NCAM2: variants seen among roughly 807,000 people sequenced by gnomAD.
NCAM2 encodes N-CAM-2.
Under a neutral mutation model 98.1 loss-of-function variants are expected in NCAM2, and 30 were observed. That is an observed-to-expected ratio of 0.31 (90% CI 0.23 to 0.41). NCAM2 has a LOEUF of 0.41. Among genes scored for constraint, NCAM2 ranks in the 10% least tolerant of loss-of-function variants. NCAM2 has a pLI of 1.00. For missense variants in NCAM2, 867 were observed against 1,005.8 expected, an observed-to-expected ratio of 0.86 and a Z score of 1.87; for synonymous variants, 368 against 342.4, an observed-to-expected ratio of 1.07 and a Z score of -0.83.
chr21:21,482,769 TA>T (rs1439916672), intron 15 of NCAM2, among the ~76,000 whole-genome samples: 1 of 60,190 alleles, frequency 1.7e-5, no homozygotes, highest in Admixed American at 1.4e-4. Context: ...TTGTAATTAA[TA>T]TTTTTCATTT....
intron 1 of NCAM2, among the ~76,000 whole-genome samples, chr21:21,272,182 A>G (rs756073620): frequency 1.3e-5 from 2 of 152,224 alleles, no homozygotes; most frequent in African/African-American, 2.4e-5. Flanking sequence ...TTGTAGACAT[A>G]TTAGACTGCC....
intron 1 of NCAM2, among the ~76,000 whole-genome samples, chr21:21,061,677 A>G (rs1424604511): frequency 2.6e-5 from 4 of 152,172 alleles, no homozygotes; most frequent in Non-Finnish European, 5.9e-5. Flanking sequence ...AGTCGTTTGA[A>G]TGTTTTGAAA....
chr21:21,003,590 A>G (rs985206431), intron 1 of NCAM2, among the ~76,000 whole-genome samples: 1 of 152,064 alleles, frequency 6.6e-6, no homozygotes, highest in African/African-American at 2.4e-5. Flanking sequence ...CCAAATGTCA[A>G]CCCTACTATG....
At chr21:21,298,692 A>G (rs2073590613) in intron 5 of NCAM2, among the ~76,000 whole-genome samples, 1 of 151,614 alleles carries the variant, frequency 6.6e-6, no homozygotes, top group Non-Finnish European at 1.5e-5. Flanking sequence ...TCTCTTCCAT[A>G]TAAGTAATTG....
At chr21:21,293,848 C>T (rs8126773) in intron 5 of NCAM2, among the ~76,000 whole-genome samples, 33,658 of 150,880 alleles carry the variant, frequency 0.22, 4,087 homozygotes, top group African/African-American at 0.32. Flanking sequence ...GTGTTAAGTA[C>T]GTACTTATGA....
chr21:21,314,388 T>C (rs2074153895), intron 5 of NCAM2, among the ~76,000 whole-genome samples: 1 of 152,184 alleles, frequency 6.6e-6, no homozygotes, highest in Admixed American at 6.5e-5. Context: ...TCTTCTCCTA[T>C]AACTATTGCA....
rs1282316517 is a variant in NCAM2 at position 21,373,906 on chromosome 21, C to T, written c.1088C>T (p.Ser363Leu). ...GAAGTCAAAGGGCAGCATGGAAGCT[C>T]ATCACTGCATATTAAAGATGTGAAG... ...RIEVKGQHGS[S>L]SLHIKDVKLS... Residue 363 changes from serine (S) to leucine (L), a missense_variant, in exon 9 of 18, where the codon TCA becomes TTA. By Grantham distance (145) the Ser-to-Leu change is moderately radical (BLOSUM62 -2). Coordinates refer to ENST00000400546, the MANE Select transcript of NCAM2 (RefSeq NM_004540.5). 1.9e-6 allele frequency: 3 copies of T among 1,610,562 alleles called. No homozygotes were observed. The East Asian group carries it at 6.7e-5, about 36-fold the overall frequency.
chr21:21,245,809 G>A lies in NCAM2; in HGVS notation c.56-34769G>A, dbSNP rs116639137. On this transcript the variant is annotated intron_variant, in intron 1 of 17. Coordinates refer to ENST00000400546, the MANE Select transcript of NCAM2 (RefSeq NM_004540.5). ...GTGGATGGTAGATGATAGATAGGGA[G>A]ATGGTAGAGAGATAAATGGCAGATG... Among the ~76,000 whole-genome samples, 1,057 of 152,126 alleles carry A rather than the reference G, an allele frequency of 6.9e-3. 13 individuals are homozygous for A. The highest frequency in any genetic ancestry group is 0.024 in the African/African-American group (991 of 41,490).
At chr21:21,013,700 G>A (rs1404453649) in intron 1 of NCAM2, among the ~76,000 whole-genome samples, 1 of 152,002 alleles carries the variant, frequency 6.6e-6, no homozygotes, top group Non-Finnish European at 1.5e-5. Context: ...AGAATTGCTT[G>A]AAACCTGGAG....
At chr21:21,171,332 C>T (rs1024679170) in intron 1 of NCAM2, among the ~76,000 whole-genome samples, 16 of 152,178 alleles carry the variant, frequency 1.1e-4, no homozygotes, top group Non-Finnish European at 1.6e-4. Context: ...AATGAACACT[C>T]ATGTTTGCTA....
At chr21:21,217,629 A>G (rs893114306) in intron 1 of NCAM2, among the ~76,000 whole-genome samples, 1 of 152,148 alleles carries the variant, frequency 6.6e-6, no homozygotes, top group East Asian at 1.9e-4. Flanking sequence ...TTGAAGGTAG[A>G]ATTAATTAAC....
intron 1 of NCAM2, among the ~76,000 whole-genome samples, chr21:21,209,054 T>C (rs1419309853): frequency 6.6e-6 from 1 of 152,126 alleles, no homozygotes; most frequent in Non-Finnish European, 1.5e-5. Flanking sequence ...GTGAAATATA[T>C]TGATTTTTTA....
At chr21:21,207,116 A>G (rs1307198260) in intron 1 of NCAM2, among the ~76,000 whole-genome samples, 6 of 152,178 alleles carry the variant, frequency 3.9e-5, no homozygotes, top group Admixed American at 3.9e-4. Flanking sequence ...TAAAATGGAG[A>G]TGTAGTGCAA....
intron 1 of NCAM2, among the ~76,000 whole-genome samples, chr21:21,107,184 T>G (rs2066366716): frequency 6.6e-6 from 1 of 152,162 alleles, no homozygotes; most frequent in Non-Finnish European, 1.5e-5. Context: ...TGTTTACATT[T>G]CACATGTATT....
At chr21:21,514,628 T>C (rs1281229189) in intron 16 of NCAM2, among the ~76,000 whole-genome samples, 2 of 152,172 alleles carry the variant, frequency 1.3e-5, no homozygotes, top group African/African-American at 4.8e-5. Flanking sequence ...ACTAAATCTT[T>C]ATCATTTCGC....
At chr21:21,126,236 TAAAAAAAAAAA>T (rs778070776) in intron 1 of NCAM2, among the ~76,000 whole-genome samples, 1 of 97,564 alleles carries the variant, frequency 1.0e-5, no homozygotes, top group Admixed American at 1.4e-4. Flanking sequence ...TCATGGAACA[TAAAAAAAAAAA>T]AAAAAAAAAA....
chr21:21,224,077 A>G (rs1234183914), intron 1 of NCAM2, among the ~76,000 whole-genome samples: 1 of 152,152 alleles, frequency 6.6e-6, no homozygotes, highest in Non-Finnish European at 1.5e-5. Flanking sequence ...GAAGCCACTG[A>G]CACTCGGTTT....
intron 12 of NCAM2, among the ~76,000 whole-genome samples, chr21:21,466,194 A>C (rs1983656631): frequency 6.6e-6 from 1 of 152,056 alleles, no homozygotes; most frequent in Non-Finnish European, 1.5e-5. Flanking sequence ...GCCAATCTGC[A>C]TATTAAATTC....
At chr21:21,525,974 T>C (rs779133344) in intron 16 of NCAM2, among the ~76,000 whole-genome samples, 12 of 152,052 alleles carry the variant, frequency 7.9e-5, no homozygotes, top group Non-Finnish European at 1.6e-4. Flanking sequence ...AAGCTTTCAA[T>C]AACAATGAGG....
Sources: allele counts gnomAD v4.1 joint callset (sites outside exome capture counted in the v4.1 genomes callset), GRCh38; gene constraint gnomAD v4.1.1; transcripts MANE v1.5; gene names NCBI Gene and HGNC (gene_info 2026-07-23, HGNC 2026-07-21).